The following EXOC6B variants were observed in gnomAD, a reference collection of about 807,000 sequenced individuals.
EXOC6B encodes the protein SEC15 homolog B.
EXOC6B carries 54 observed loss-of-function variants against 113.5 expected under a neutral mutation model. That is an observed-to-expected ratio of 0.48 (90% CI 0.38 to 0.60). EXOC6B has a LOEUF of 0.60. EXOC6B is among the 20% of genes least tolerant of loss of function. The pLI is 0.00. For synonymous variants in EXOC6B, 357 were observed against 339.0 expected (o/e 1.05, Z -0.58); for missense variants, 797 against 977.5 (o/e 0.82, Z 2.46).
rs577605414 is a variant in EXOC6B at position 72,338,880 on chromosome 2, T to C, written c.2123-3860A>G. ...TTTGAAAATAAATACAGACCACTTT[T>C]ATAACCTGAGAGAAGGAAATGGAAG... On this transcript the variant is annotated intron_variant, in intron 19 of 21. Coordinates refer to ENST00000272427, the MANE Select transcript of EXOC6B (RefSeq NM_015189.3). Among the ~76,000 whole-genome samples, 21 of 150,078 alleles carry C rather than the reference T, an allele frequency of 1.4e-4. No individual in the cohort carries two copies. In the South Asian group the frequency reaches 3.8e-3, roughly 27 times the overall value.
At position 72,550,936 on chromosome 2, in the gene EXOC6B, T is replaced by G. The variant is rs1703185721; in HGVS notation, c.915+8517A>C. Among the ~76,000 whole-genome samples, 3 of 148,554 alleles carry G rather than the reference T, an allele frequency of 2.0e-5. No individual in the cohort carries two copies. In the South Asian group the frequency reaches 6.4e-4, roughly 31 times the overall value. On this transcript the variant is annotated intron_variant, in intron 8 of 21. Coordinates refer to ENST00000272427, the MANE Select transcript of EXOC6B (RefSeq NM_015189.3). ...TTTTTTTTATTTTTTTTTTTTTTTT[T>G]GAGACGGAGTCTCACCCTGTTGCCC...
At chr2:72,614,336 G>C (rs1304327357) in intron 6 of EXOC6B, among the ~76,000 whole-genome samples, 1 of 152,118 alleles carries the variant, frequency 6.6e-6, no homozygotes, top group African/African-American at 2.4e-5. Flanking sequence ...GACTCTTCAT[G>C]AAACAGGGGC....
chr2:72,522,019 T>G (rs1015434593), intron 8 of EXOC6B, among the ~76,000 whole-genome samples: 3 of 152,102 alleles, frequency 2.0e-5, no homozygotes, highest in Non-Finnish European at 4.4e-5. Context: ...TTATATTGAA[T>G]CCATATATAC....
Position 72,583,923 on chromosome 2 carries a change from T to C in EXOC6B, c.670-8255A>G, listed in dbSNP as rs181517344. On this transcript the variant is annotated intron_variant, in intron 6 of 21. Transcript: ENST00000272427. ...TTTTAATAGAGATGGGGTTTCACCA[T>C]GTTGGCCAGGCTGGACTCAAACTCC... 2.6e-3 allele frequency among the ~76,000 whole-genome samples: 396 copies of C among 152,228 alleles called. 2 individuals carry two copies. The highest frequency in any genetic ancestry group is 8.9e-3 in the African/African-American group (371 of 41,530).
At chr2:72,497,078 A>G (rs1217016365) in intron 13 of EXOC6B, among the ~76,000 whole-genome samples, 1 of 151,150 alleles carries the variant, frequency 6.6e-6, no homozygotes, top group Non-Finnish European at 1.5e-5. Context: ...GGCTCAAGCA[A>G]TCCTCCCGCC....
At chr2:72,322,033 A>G (rs1409288221) in intron 20 of EXOC6B, among the ~76,000 whole-genome samples, 1 of 152,152 alleles carries the variant, frequency 6.6e-6, no homozygotes, top group Non-Finnish European at 1.5e-5. Flanking sequence ...ATTAAGTTAC[A>G]CATACACTTA....
intron 18 of EXOC6B, among the ~76,000 whole-genome samples, chr2:72,407,609 A>G (rs989185024): frequency 2.6e-5 from 4 of 152,228 alleles, no homozygotes; most frequent in Admixed American, 6.5e-5. Context: ...ACCAATGACA[A>G]AAACCACATG....
intron 1 of EXOC6B, among the ~76,000 whole-genome samples, chr2:72,777,030 C>CTTG (rs566476431): frequency 1.2e-3 from 185 of 152,232 alleles, no homozygotes; most frequent in Non-Finnish European, 2.1e-3. Flanking sequence ...CACCTGAGGT[C>CTTG]AGGAGTTCAA....
At chr2:72,217,169 A>G (rs1368405530) in intron 20 of EXOC6B, among the ~76,000 whole-genome samples, 2 of 152,100 alleles carry the variant, frequency 1.3e-5, no homozygotes, top group African/African-American at 2.4e-5. Flanking sequence ...GAATACCACT[A>G]TTATTCCTTA....
chr2:72,489,268 G>C (rs1255538563), intron 16 of EXOC6B, among the ~76,000 whole-genome samples: 5 of 152,102 alleles, frequency 3.3e-5, no homozygotes, highest in Admixed American at 6.5e-5. Context: ...TTCTCTGGTA[G>C]AATGTAAGCA....
At chr2:72,543,845 A>G (rs568862309) in intron 8 of EXOC6B, among the ~76,000 whole-genome samples, 18 of 152,352 alleles carry the variant, frequency 1.2e-4, no homozygotes, top group Non-Finnish European at 2.4e-4. Flanking sequence ...GCAGTAAGAT[A>G]TGGCAGGAGA....
At chr2:72,793,431 G>C (rs1453356117) in intron 1 of EXOC6B, among the ~76,000 whole-genome samples, 1 of 152,148 alleles carries the variant, frequency 6.6e-6, no homozygotes, top group Admixed American at 6.5e-5. Context: ...ATCATGCATT[G>C]GTTCCAAATA....
intron 20 of EXOC6B, among the ~76,000 whole-genome samples, chr2:72,225,969 T>C (rs1681211765): frequency 6.6e-6 from 1 of 152,164 alleles, no homozygotes; most frequent in East Asian, 1.9e-4. Flanking sequence ...TATCCATTTA[T>C]AGTACTACAG....
intron 14 of EXOC6B, 148 bp downstream of exon 14, chr2:72,496,306 A>C: frequency 1.8e-6 from 1 of 561,142 alleles, no homozygotes; most frequent in Non-Finnish European, 3.2e-6. Context: ...AAAGTGAAAA[A>C]AAGAAAAAGA....
intron 5 of EXOC6B, among the ~76,000 whole-genome samples, chr2:72,719,484 G>A (rs1444006804): frequency 1.3e-5 from 2 of 152,096 alleles, no homozygotes; most frequent in East Asian, 3.8e-4. Flanking sequence ...CACCTAAAAG[G>A]GTCTAAGCAA....
chr2:72,259,991 G>T (rs1683613209), intron 20 of EXOC6B, among the ~76,000 whole-genome samples: 1 of 151,904 alleles, frequency 6.6e-6, no homozygotes, highest in Non-Finnish European at 1.5e-5. Context: ...GGTCAAGGCT[G>T]CAGTGAGCTG....
intron 20 of EXOC6B, among the ~76,000 whole-genome samples, chr2:72,265,741 T>C (rs953004263): frequency 3.3e-5 from 5 of 152,062 alleles, no homozygotes; most frequent in African/African-American, 1.2e-4. Context: ...TATAGCAGCA[T>C]GATTTATAGT....
chr2:72,612,438 CCTT>C (rs1671132245), intron 6 of EXOC6B, among the ~76,000 whole-genome samples: 2 of 152,082 alleles, frequency 1.3e-5, no homozygotes, highest in South Asian at 4.1e-4. Context: ...TCAATTCCCT[CCTT>C]CTCCCATAAT....
rs571926272 is a variant in EXOC6B at position 72,670,331 on chromosome 2, G to A, written c.669+47772C>T. ...GAATTGTGTAGATATATTATTAATAGCTATAAGTTTAATTATTTCAAGACT... is the reference window on the plus strand; with the variant it reads ...GAATTGTGTAGATATATTATTAATAACTATAAGTTTAATTATTTCAAGACT... On this transcript the variant is annotated intron_variant, in intron 6 of 21. Transcript: ENST00000272427. 8.5e-4 allele frequency among the ~76,000 whole-genome samples: 129 copies of A among 152,082 alleles called. 1 individual carries two copies. Among genetic ancestry groups the A allele is most frequent in the African/African-American group, 3.0e-3 (125 of 41,498 alleles).
Sources: allele counts gnomAD v4.1 joint callset (sites outside exome capture counted in the v4.1 genomes callset), GRCh38; gene constraint gnomAD v4.1.1; transcripts MANE v1.5; gene names NCBI Gene and HGNC (gene_info 2026-07-23, HGNC 2026-07-21).